LCLAT1: variants seen among roughly 807,000 people sequenced by gnomAD.
The protein encoded by LCLAT1 is 1-AGP acyltransferase 8.
A neutral mutation model predicts 30.7 loss-of-function variants in LCLAT1; 11 were observed. The observed-to-expected ratio is 0.36, with a 90% CI of 0.23 to 0.59. The LOEUF is 0.59. Ranked by LOEUF, LCLAT1 falls within the 20% of genes least tolerant of loss-of-function variation. The pLI, the probability that LCLAT1 is intolerant of heterozygous loss-of-function variation, is 0.77. For missense variants in LCLAT1, 402 were observed against 458.6 expected (o/e 0.88, Z 1.13); for synonymous variants, 155 against 151.3 (o/e 1.02, Z -0.18).
chr2:30,470,165 C>T (rs914885765), intron 1 of LCLAT1, among the ~76,000 whole-genome samples: 2 of 152,114 alleles, frequency 1.3e-5, no homozygotes, highest in African/African-American at 4.8e-5. Flanking sequence ...ACCCAGGTGG[C>T]ATCAGTTGGT....
At chr2:30,586,320 T>C (rs1298277339) in intron 5 of LCLAT1, among the ~76,000 whole-genome samples, 2 of 152,018 alleles carry the variant, frequency 1.3e-5, no homozygotes, top group African/African-American at 4.8e-5. Flanking sequence ...ATCAAGGTAT[T>C]GGCAGAGCCA....
At chr2:30,545,782 G>C (rs1664378509) in intron 3 of LCLAT1, among the ~76,000 whole-genome samples, 1 of 152,098 alleles carries the variant, frequency 6.6e-6, no homozygotes, top group African/African-American at 2.4e-5. Context: ...CATTTGCCTA[G>C]TGATTTTGTG....
At chr2:30,558,792 C>T (rs1665059716) in intron 3 of LCLAT1, among the ~76,000 whole-genome samples, 1 of 152,198 alleles carries the variant, frequency 6.6e-6, no homozygotes, top group Middle Eastern at 3.4e-3. Flanking sequence ...CTTTGAAGAA[C>T]TGGTGCTATC....
At chr2:30,486,676 C>A (rs1005156685) in intron 1 of LCLAT1, among the ~76,000 whole-genome samples, 5 of 152,134 alleles carry the variant, frequency 3.3e-5, no homozygotes, top group African/African-American at 1.2e-4. Flanking sequence ...CTAGCTAGCT[C>A]TTGTGACTGA....
intron 5 of LCLAT1, among the ~76,000 whole-genome samples, chr2:30,580,400 A>G (rs918837201): frequency 6.6e-6 from 1 of 152,186 alleles, no homozygotes; most frequent in Non-Finnish European, 1.5e-5. Flanking sequence ...GTAAAATCTG[A>G]GAAGTATCCT....
intron 1 of LCLAT1, among the ~76,000 whole-genome samples, chr2:30,506,883 C>T (rs953350626): frequency 1.3e-5 from 2 of 152,090 alleles, no homozygotes; most frequent in Admixed American, 6.6e-5. Context: ...ATTTCACTAA[C>T]GTTTATGGAA....
chr2:30,523,560 A>G (rs1208445509), intron 1 of LCLAT1, among the ~76,000 whole-genome samples: 1 of 152,204 alleles, frequency 6.6e-6, no homozygotes, highest in African/African-American at 2.4e-5. Context: ...ACGTACTGTC[A>G]AGTATCAGTA....
intron 5 of LCLAT1, among the ~76,000 whole-genome samples, chr2:30,589,160 A>G (rs1378099556): frequency 6.6e-6 from 1 of 152,242 alleles, no homozygotes; most frequent in Non-Finnish European, 1.5e-5. Flanking sequence ...TCACTTGGGA[A>G]TTCCTACAGA....
chr2:30,538,468 C>A (rs1663918929), intron 3 of LCLAT1, among the ~76,000 whole-genome samples: 1 of 151,794 alleles, frequency 6.6e-6, no homozygotes, highest in Admixed American at 6.6e-5. Flanking sequence ...ATGATGAAAC[C>A]CCATATCTAC....
intron 4 of LCLAT1, among the ~76,000 whole-genome samples, chr2:30,566,524 G>T (rs1042732939): frequency 2.0e-5 from 3 of 152,114 alleles, no homozygotes; most frequent in Non-Finnish European, 4.4e-5. Context: ...CTATAGGAGT[G>T]TTCTTTGAAT....
rs1265270004 is a variant in LCLAT1 at position 30,524,402 on chromosome 2, C to G, written c.-4-1185C>G. Among the ~76,000 whole-genome samples, 3 of 152,334 alleles carry G rather than the reference C, an allele frequency of 2.0e-5. No homozygotes were observed. The East Asian group carries it at 5.8e-4, about 29-fold the overall frequency. ...GGATTTTAAAAAATTTCAATGTACT[C>G]TGCTAACTTGTCATTGTTTTTAGGT... On this transcript the variant is annotated intron_variant, in intron 1 of 5. Transcript: ENST00000379509.
chr2:30,523,890 TTAG>T (rs1685591271), intron 1 of LCLAT1, among the ~76,000 whole-genome samples: 1 of 152,084 alleles, frequency 6.6e-6, no homozygotes. Context: ...AAACAAAAAC[TTAG>T]TAGTCAGTCT....
intron 1 of LCLAT1, chr2:30,459,594 CAA>C: frequency 6.4e-7 from 1 of 1,558,918 alleles, no homozygotes; most frequent in South Asian, 1.1e-5. Flanking sequence ...AAGCTGGCAA[CAA>C]ATGGATGATG....
chr2:30,620,116 T>A (rs1460789170), intron 5 of LCLAT1, among the ~76,000 whole-genome samples: 1 of 152,028 alleles, frequency 6.6e-6, no homozygotes, highest in Non-Finnish European at 1.5e-5. Flanking sequence ...CAGCAAGGAG[T>A]GGAATTAAGC....
chr2:30,456,610 T>C (rs1271059088), intron 1 of LCLAT1, among the ~76,000 whole-genome samples: 1 of 152,144 alleles, frequency 6.6e-6, no homozygotes, highest in East Asian at 1.9e-4. Context: ...GGGCATGTTG[T>C]TTATTGCTCA....
At chr2:30,452,838 C>G (rs760197693) in intron 1 of LCLAT1, among the ~76,000 whole-genome samples, 37 of 152,028 alleles carry the variant, frequency 2.4e-4, no homozygotes, top group Admixed American at 7.9e-4. Flanking sequence ...CCAAAAAAGT[C>G]TTACAAGTTT....
chr2:30,523,135 GA>G (rs901424742), intron 1 of LCLAT1, among the ~76,000 whole-genome samples: 5 of 139,206 alleles, frequency 3.6e-5, no homozygotes, highest in African/African-American at 1.1e-4. Context: ...CTAATTGGCA[GA>G]AAAAAAAACA....
At chr2:30,478,491 C>T (rs1683153588) in intron 1 of LCLAT1, among the ~76,000 whole-genome samples, 1 of 152,062 alleles carries the variant, frequency 6.6e-6, no homozygotes, top group Non-Finnish European at 1.5e-5. Context: ...TGAGGTAAAT[C>T]TCTATAGAAT....
chr2:30,641,896 CTTTT>C lies in LCLAT1; in HGVS notation c.*1285_*1288del, dbSNP rs1039418664. 2 of 83,396 alleles carry C rather than the reference CTTTT, an allele frequency of 2.4e-5. No homozygotes were observed. The highest frequency in any genetic ancestry group is 7.9e-5 in the African/African-American group (2 of 25,472). 5.2% of individuals were successfully genotyped at this position (83,396 alleles called of 1,614,324 possible). On this transcript the variant is annotated 3_prime_UTR_variant, in exon 6 of 6. Transcript: ENST00000379509. ...CTGTTGGAGCTGCACACTTTTTTTTCTTTTTTTTTTTCTTTTTTTTTTTGTCGTG... is the reference window on the plus strand; with the variant it reads ...CTGTTGGAGCTGCACACTTTTTTTTCTTTTTTTCTTTTTTTTTTTGTCGTG...
Sources: allele counts gnomAD v4.1 joint callset (sites outside exome capture counted in the v4.1 genomes callset), GRCh38; gene constraint gnomAD v4.1.1; transcripts MANE v1.5; gene names NCBI Gene and HGNC (gene_info 2026-07-23, HGNC 2026-07-21).